ZFHX3: variants seen among roughly 807,000 people sequenced by gnomAD.
ZFHX3 encodes the protein zinc finger homeobox protein 3.
ZFHX3 carries 42 observed loss-of-function variants against 279.1 expected under a neutral mutation model. The observed-to-expected ratio is 0.15, with a 90% CI of 0.12 to 0.19. The LOEUF (loss-of-function observed/expected upper bound fraction) is 0.19, where lower values mean the gene tolerates loss of function less well. Among genes scored for constraint, ZFHX3 ranks in the 10% least tolerant of loss-of-function variants. The pLI is 1.00. For missense variants in ZFHX3, 4,981 were observed against 4,754.0 expected (o/e 1.05, Z -1.40); for synonymous variants, 2,293 against 1,957.8 (o/e 1.17, Z -4.52).
intron 1 of ZFHX3, among the ~76,000 whole-genome samples, chr16:73,682,215 C>G (rs1025767682): frequency 6.6e-6 from 1 of 152,140 alleles, no homozygotes. Flanking sequence ...GAGTGCCACT[C>G]TACTAATTAA....
chr16:72,854,938 T>TGGGG (rs373623618), intron 4 of ZFHX3, among the ~76,000 whole-genome samples: 16 of 73,868 alleles, frequency 2.2e-4, no homozygotes, highest in East Asian at 9.8e-4. Context: ...AATTGGTGGG[T>TGGGG]GGGGGGGGGG....
chr16:72,788,841 C>CTTT lies in ZFHX3; in HGVS notation c.9434_9435insAAA (p.Thr3145_Ser3146insLys), dbSNP rs765026923. On this transcript the variant is annotated inframe_insertion, in exon 10 of 10. Coordinates refer to ENST00000268489, the MANE Select transcript of ZFHX3 (RefSeq NM_006885.4). Reference sequence around the variant, plus strand: ...GACCCATCAAGTTCGGCTTAGGAGACGTTAAAGCTGAAAGGAATGGAGACA... The same window carrying CTTT: ...GACCCATCAAGTTCGGCTTAGGAGACTTTGTTAAAGCTGAAAGGAATGGAGACA... 5 of 1,518,602 alleles carry CTTT rather than the reference C, an allele frequency of 3.3e-6. No individual in the cohort carries two copies. The highest frequency in any genetic ancestry group is 4.4e-6 in the Non-Finnish European group (5 of 1,135,794). The allele number at this position is 1,518,602 out of a possible 1,614,324, so 94.1% of individuals were successfully genotyped here. A position where few individuals can be genotyped will look rare whatever the true frequency, so the allele number is the denominator to read the frequency against.
chr16:73,674,736 T>C (rs2052937276), intron 2 of ZFHX3, among the ~76,000 whole-genome samples: 4 of 152,206 alleles, frequency 2.6e-5, no homozygotes, highest in Non-Finnish European at 5.9e-5. Flanking sequence ...AAAGTGCTTA[T>C]ATGTTGACAT....
intron 1 of ZFHX3, among the ~76,000 whole-genome samples, chr16:73,842,266 C>T (rs1363381466): frequency 6.6e-6 from 1 of 151,906 alleles, no homozygotes; most frequent in Non-Finnish European, 1.5e-5. Context: ...GATTGCAAGC[C>T]ACCTCATCAT....
chr16:72,875,293 C>T (rs1374525126), intron 4 of ZFHX3, among the ~76,000 whole-genome samples: 1 of 152,222 alleles, frequency 6.6e-6, no homozygotes, highest in Admixed American at 6.5e-5. Context: ...AGACTGGGGG[C>T]AGAAACTGGG....
chr16:72,867,546 T>A (rs973714721), intron 4 of ZFHX3, among the ~76,000 whole-genome samples: 3 of 152,238 alleles, frequency 2.0e-5, no homozygotes, highest in African/African-American at 7.2e-5. Flanking sequence ...AATACCCTCA[T>A]GGAGTACGAC....
intron 1 of ZFHX3, among the ~76,000 whole-genome samples, chr16:73,878,940 GATAT>G (rs3082335): frequency 0.18 from 25,357 of 140,914 alleles, 2,323 homozygotes; most frequent in Middle Eastern, 0.27. Context: ...AAAAAGATAA[GATAT>G]ATATATATAT....
intron 2 of ZFHX3, among the ~76,000 whole-genome samples, chr16:73,637,539 G>C (rs1309418909): frequency 6.6e-6 from 1 of 151,922 alleles, no homozygotes; most frequent in Non-Finnish European, 1.5e-5. Flanking sequence ...AGACTATTTT[G>C]TGTTTTAAAA....
chr16:73,202,151 C>T (rs2011628880), intron 5 of ZFHX3, among the ~76,000 whole-genome samples: 1 of 152,186 alleles, frequency 6.6e-6, no homozygotes, highest in Admixed American at 6.5e-5. Context: ...ACCACCCATT[C>T]TTTGTCCCTG....
chr16:73,670,013 TA>T (rs2142183845), intron 2 of ZFHX3, among the ~76,000 whole-genome samples: 1 of 152,246 alleles, frequency 6.6e-6, no homozygotes, highest in East Asian at 1.9e-4. Context: ...TTTATATGAA[TA>T]AAAATAGCAC....
At position 72,795,032 on chromosome 16, in the gene ZFHX3, C is replaced by A; in HGVS notation, c.7650G>T (p.Gln2550His). The A allele has an allele frequency of 6.2e-7, 1 of 1,614,176 alleles. No individual in the cohort carries two copies. The highest frequency in any genetic ancestry group is 8.5e-7 in the Non-Finnish European group (1 of 1,180,040). Residue 2550 changes from glutamine to histidine, a missense_variant, in exon 9 of 10, where the codon CAG becomes CAT. Gln to His is a conservative substitution (Grantham distance 24, BLOSUM62 0). Coordinates refer to ENST00000268489, the MANE Select transcript of ZFHX3 (RefSeq NM_006885.4). ...PSFEHWQEHQ[Q>H]LHFLSAQNQF... ...GGTTCTGCGCGCTCAGGAAGTGGAG[C>A]TGCTGATGCTCCTGCCAGTGCTCAA... is the stretch of plus-strand genomic sequence containing the variant.
intron 4 of ZFHX3, among the ~76,000 whole-genome samples, chr16:73,307,507 G>C (rs1260193602): frequency 6.6e-6 from 1 of 152,170 alleles, no homozygotes; most frequent in African/African-American, 2.4e-5. Context: ...ACATATTCTA[G>C]GATAGTCCTT....
chr16:73,585,146 G>A (rs767313367), intron 2 of ZFHX3, among the ~76,000 whole-genome samples: 11 of 152,284 alleles, frequency 7.2e-5, no homozygotes, highest in South Asian at 2.1e-4. Context: ...GGTCAGGTGC[G>A]GTGGCTCACA....
At chr16:73,275,897 C>T (rs993824271) in intron 4 of ZFHX3, among the ~76,000 whole-genome samples, 1 of 152,054 alleles carries the variant, frequency 6.6e-6, no homozygotes, top group Admixed American at 6.5e-5. Flanking sequence ...TTTTGCTTAG[C>T]CTTACAGTGA....
intron 1 of ZFHX3, among the ~76,000 whole-genome samples, chr16:73,694,024 T>TAAA (rs376731332): frequency 0.072 from 10,521 of 146,370 alleles, 538 homozygotes; most frequent in Non-Finnish European, 0.1. Flanking sequence ...TCGTTTTAGC[T>TAAA]AAAAAAAAAA....
At chr16:73,762,641 C>T (rs2053882590) in intron 1 of ZFHX3, among the ~76,000 whole-genome samples, 1 of 152,172 alleles carries the variant, frequency 6.6e-6, no homozygotes, top group Non-Finnish European at 1.5e-5. Context: ...GAATACTATG[C>T]AGCCATAAAA....
chr16:73,091,851 A>G (rs928779070), intron 8 of ZFHX3, among the ~76,000 whole-genome samples: 2 of 152,222 alleles, frequency 1.3e-5, no homozygotes, highest in Non-Finnish European at 2.9e-5. Context: ...GAATGTGATG[A>G]CATAGGTCTC....
chr16:73,547,906 G>A (rs2020147969), intron 2 of ZFHX3, among the ~76,000 whole-genome samples: 2 of 152,184 alleles, frequency 1.3e-5, no homozygotes, highest in Admixed American at 6.5e-5. Flanking sequence ...AATGCTCAAT[G>A]TTACTTTAAA....
At chr16:73,086,645 G>A (rs895351514) in intron 8 of ZFHX3, among the ~76,000 whole-genome samples, 1 of 152,152 alleles carries the variant, frequency 6.6e-6, no homozygotes, top group African/African-American at 2.4e-5. Context: ...GCTCATACTG[G>A]TAATTCCAGA....
Sources: allele counts gnomAD v4.1 joint callset (sites outside exome capture counted in the v4.1 genomes callset), GRCh38; gene constraint gnomAD v4.1.1; transcripts MANE v1.5; gene names NCBI Gene and HGNC (gene_info 2026-07-23, HGNC 2026-07-21).